NAALADL2: variants seen among roughly 807,000 people sequenced by gnomAD.
NAALADL2 encodes N-acetylated alpha-linked acidic dipeptidase like 2, also known as inactive N-acetylated-alpha-linked acidic dipeptidase-like protein 2.
NAALADL2 carries 76 observed loss-of-function variants against 87.2 expected under a neutral mutation model. That is an observed-to-expected ratio of 0.87 (90% confidence interval 0.72 to 1.05). The LOEUF (loss-of-function observed/expected upper bound fraction) is 1.05. Among genes scored for constraint, NAALADL2 ranks in the 50% least tolerant of loss-of-function variants. The pLI, the probability that NAALADL2 is intolerant of heterozygous loss-of-function variation, is 0.00. For synonymous variants in NAALADL2, 354 were observed against 331.0 expected (o/e 1.07, Z -0.75); for missense variants, 1,089 against 945.8 (o/e 1.15, Z -1.99).
intron 5 of NAALADL2, among the ~76,000 whole-genome samples, chr3:175,365,351 T>C (rs2148922697): frequency 6.8e-6 from 1 of 147,498 alleles, no homozygotes; most frequent in East Asian, 2.0e-4. Context: ...TTTTGGTGAA[T>C]TTTTGCAAAA....
chr3:175,617,283 G>T (rs1020481492), intron 10 of NAALADL2, among the ~76,000 whole-genome samples: 5 of 152,154 alleles, frequency 3.3e-5, no homozygotes, highest in Non-Finnish European at 7.4e-5. Flanking sequence ...AGAATCACCT[G>T]GGACTCCTGG....
At chr3:175,019,402 T>A in intron 1 of NAALADL2, among the ~76,000 whole-genome samples, 1 of 152,100 alleles carries the variant, frequency 6.6e-6, no homozygotes, top group East Asian at 1.9e-4. Flanking sequence ...TGCATATTCA[T>A]CTGTCTATTC....
chr3:174,771,639 T>G (rs1419195715), intron 3 of NAALADL2, among the ~76,000 whole-genome samples: 1 of 152,152 alleles, frequency 6.6e-6, no homozygotes, highest in Non-Finnish European at 1.5e-5. Flanking sequence ...CTAAAATGTT[T>G]AGATTCCATT....
At chr3:175,317,530 C>A (rs1235629209) in intron 4 of NAALADL2, among the ~76,000 whole-genome samples, 2 of 152,030 alleles carry the variant, frequency 1.3e-5, no homozygotes, top group Admixed American at 6.6e-5. Context: ...CGCTGGTAAA[C>A]TGAACTTCCT....
chr3:175,450,640 T>C (rs1345511125), intron 6 of NAALADL2, among the ~76,000 whole-genome samples: 1 of 152,206 alleles, frequency 6.6e-6, no homozygotes, highest in Non-Finnish European at 1.5e-5. Flanking sequence ...AGACTTGGAT[T>C]ATCCTTGAAC....
At chr3:175,712,223 A>G (rs1740627157) in intron 11 of NAALADL2, among the ~76,000 whole-genome samples, 1 of 152,090 alleles carries the variant, frequency 6.6e-6, no homozygotes, top group African/African-American at 2.4e-5. Context: ...AAAAGCTTTG[A>G]TTTAAATTAT....
rs894391784 is a variant in NAALADL2, at chr3:175,807,751, G to T, written c.*4548G>T. The T allele has an allele frequency of 2.0e-5, 3 of 151,846 alleles. No individual in the cohort carries two copies. The highest frequency in any genetic ancestry group is 4.4e-5 in the Non-Finnish European group (3 of 67,884). The allele number at this position is 151,846 out of a possible 1,614,324, so 9.4% of individuals were successfully genotyped here. On this transcript the variant is annotated 3_prime_UTR_variant, in exon 14 of 14. Coordinates refer to ENST00000454872, the MANE Select transcript of NAALADL2 (RefSeq NM_207015.3). ...ATATATTCTGCCCAGCCACACTGGT[G>T]AGTTTTTATTTCTTGTATGAGTTTA...
chr3:174,681,335 C>T (rs913857201), intron 2 of NAALADL2, among the ~76,000 whole-genome samples: 1 of 152,158 alleles, frequency 6.6e-6, no homozygotes, highest in African/African-American at 2.4e-5. Context: ...TTGGGGGCCA[C>T]ATGACCTAGT....
chr3:175,789,165 GCTTTTGTAATT>G (rs1752479777), intron 13 of NAALADL2, among the ~76,000 whole-genome samples: 1 of 152,066 alleles, frequency 6.6e-6, no homozygotes, highest in Admixed American at 6.6e-5. Flanking sequence ...AACTGAGATT[GCTTTTGTAATT>G]CTTTTGTATC....
At chr3:174,755,091 G>A (rs1316435610) in intron 3 of NAALADL2, among the ~76,000 whole-genome samples, 3 of 152,158 alleles carry the variant, frequency 2.0e-5, no homozygotes, top group Non-Finnish European at 2.9e-5. Flanking sequence ...GATCATGGAG[G>A]CGGTTTCCCT....
chr3:174,817,142 A>G (rs1397526980), intron 3 of NAALADL2, among the ~76,000 whole-genome samples: 1 of 152,328 alleles, frequency 6.6e-6, no homozygotes, highest in South Asian at 2.1e-4. Flanking sequence ...AGGAAAATCA[A>G]CACATTGAGT....
At chr3:175,374,161 T>C (rs533658149) in intron 5 of NAALADL2, among the ~76,000 whole-genome samples, 2 of 152,250 alleles carry the variant, frequency 1.3e-5, no homozygotes, top group East Asian at 3.9e-4. Flanking sequence ...GATAAATTTA[T>C]TTATTTTTAT....
At chr3:174,799,085 G>T (rs1262189432) in intron 3 of NAALADL2, among the ~76,000 whole-genome samples, 1 of 151,698 alleles carries the variant, frequency 6.6e-6, no homozygotes, top group Non-Finnish European at 1.5e-5. Context: ...CAGGAGAATT[G>T]CTTGAACCTG....
intron 3 of NAALADL2, among the ~76,000 whole-genome samples, chr3:174,787,163 G>A (rs969614626): frequency 2.0e-5 from 3 of 151,896 alleles, no homozygotes; most frequent in African/African-American, 7.2e-5. Context: ...CAACATCTTT[G>A]GGGGTTAGAG....
intron 3 of NAALADL2, among the ~76,000 whole-genome samples, chr3:174,816,413 C>CGTGTGT (rs10567967): frequency 6.7e-6 from 1 of 148,502 alleles, no homozygotes; most frequent in Non-Finnish European, 1.5e-5. Flanking sequence ...TATGTGTGTG[C>CGTGTGT]GTGTGTGTGT....
intron 13 of NAALADL2, among the ~76,000 whole-genome samples, chr3:175,802,328 T>TG (rs5854660): frequency 0.17 from 25,585 of 150,790 alleles, 2,890 homozygotes; most frequent in East Asian, 0.32. Context: ...GATTTTTTTT[T>TG]GGGGGGGGAC....
At chr3:175,049,768 G>T (rs1446542547) in intron 1 of NAALADL2, among the ~76,000 whole-genome samples, 1 of 152,136 alleles carries the variant, frequency 6.6e-6, no homozygotes, top group Non-Finnish European at 1.5e-5. Flanking sequence ...AAGAGAGTCA[G>T]AAAAATCAAG....
chr3:175,298,382 T>A (rs917327889), intron 4 of NAALADL2, among the ~76,000 whole-genome samples: 1 of 152,176 alleles, frequency 6.6e-6, no homozygotes, highest in African/African-American at 2.4e-5. Context: ...TAGTTGTGAC[T>A]TCTTGGAGAA....
chr3:175,264,296 G>T (rs1751568103), intron 4 of NAALADL2, among the ~76,000 whole-genome samples: 2 of 151,766 alleles, frequency 1.3e-5, no homozygotes, highest in Admixed American at 6.6e-5. Flanking sequence ...AATTCATAAG[G>T]TTGTGTGAAG....
Sources: allele counts gnomAD v4.1 joint callset (sites outside exome capture counted in the v4.1 genomes callset), GRCh38; gene constraint gnomAD v4.1.1; transcripts MANE v1.5; gene names NCBI Gene and HGNC (gene_info 2026-07-23, HGNC 2026-07-21).